STARD13: variants seen among roughly 807,000 people sequenced by gnomAD.
STARD13 encodes StAR related lipid transfer domain containing 13.
In STARD13, 62 loss-of-function variants were observed where a neutral mutation model predicts 106.4. That is an observed-to-expected ratio of 0.58 (90% CI 0.48 to 0.72). The LOEUF is 0.72. Ranked by LOEUF, STARD13 falls within the 30% of genes least tolerant of loss-of-function variation. The pLI is 0.00. For missense variants in STARD13, 1,387 were observed against 1,424.0 expected, an observed-to-expected ratio of 0.97 and a Z score of 0.42; for synonymous variants, 565 against 553.0, an observed-to-expected ratio of 1.02 and a Z score of -0.31.
At chr13:33,481,851 G>C in the STARD13 span, among the ~76,000 whole-genome samples, 3 of 109,002 alleles carry the variant, frequency 2.8e-5, no homozygotes, top group African/African-American at 4.2e-5. Flanking sequence ...TGGTGGTGGC[G>C]GGCGCCTGTA....
chr13:33,111,347 G>C (rs1426026356), intron 10 of STARD13, among the ~76,000 whole-genome samples: 1 of 152,192 alleles, frequency 6.6e-6, no homozygotes, highest in Non-Finnish European at 1.5e-5. Flanking sequence ...TATCACAAAA[G>C]TATGCCACAA....
intron 3 of STARD13, among the ~76,000 whole-genome samples, chr13:33,164,747 A>C (rs1050736963): frequency 1.4e-4 from 21 of 152,234 alleles, no homozygotes; most frequent in African/African-American, 5.1e-4. Context: ...TTTAAGGGGA[A>C]GAAATTATCC....
intron 1 of STARD13, among the ~76,000 whole-genome samples, chr13:33,189,444 AGGGAAAGCAGGAGGAAAGGGAAG>A (rs1245913747): frequency 8.8e-6 from 1 of 113,638 alleles, no homozygotes; most frequent in Non-Finnish European, 1.9e-5. Context: ...CGGAGGAAGG[AGGGAAAGCAGGAGGAAAGGGAAG>A]GGACTCTCTG....
At chr13:33,341,323 T>C (rs1051920538) in intron 1 of STARD13, among the ~76,000 whole-genome samples, 1 of 152,132 alleles carries the variant, frequency 6.6e-6, no homozygotes, top group African/African-American at 2.4e-5. Context: ...CAAAAAATCA[T>C]ATTCTGCGGT....
the STARD13 span, among the ~76,000 whole-genome samples, chr13:33,466,763 A>T: frequency 6.6e-6 from 1 of 152,204 alleles, no homozygotes; most frequent in Non-Finnish European, 1.5e-5. Flanking sequence ...AAATACCATA[A>T]CTTTATGTTA....
rs188190697 is a variant in STARD13 at position 33,241,821 on chromosome 13, C to T, written c.169+43649G>A. Among the ~76,000 whole-genome samples the T allele has an allele frequency of 1.4e-4, 21 of 152,308 alleles. No homozygotes were observed. In the East Asian group the frequency reaches 2.7e-3, roughly 20 times the overall value. ...CCTCCCGAGGTGCCGGGATGGCAGA[C>T]GGAGTCGCGCTCACTCAGTGCTCAA... On this transcript the variant is annotated intron_variant, in intron 1 of 13. Coordinates refer to ENST00000336934, the MANE Select transcript of STARD13 (RefSeq NM_178006.4).
chr13:33,624,991 G>T, the STARD13 span, among the ~76,000 whole-genome samples: 1 of 152,308 alleles, frequency 6.6e-6, no homozygotes, highest in South Asian at 2.1e-4. Context: ...TTTGGCTGGG[G>T]TACCTCGGAA....
At chr13:33,637,099 T>C in the STARD13 span, among the ~76,000 whole-genome samples, 3 of 152,178 alleles carry the variant, frequency 2.0e-5, no homozygotes, top group African/African-American at 7.2e-5. Flanking sequence ...ACACTATAAT[T>C]TCATGTAATC....
At chr13:33,262,663 A>C (rs982345904) in intron 1 of STARD13, among the ~76,000 whole-genome samples, 1,159 of 37,932 alleles carry the variant, frequency 0.031, 20 homozygotes, top group African/African-American at 0.17. Flanking sequence ...CACACACACA[A>C]CACACACACA....
chr13:33,126,140 G>C lies in STARD13; in HGVS notation c.2023C>G (p.Pro675Ala). ...GCTTGCTGAATACTTTGAGGCAGGG[G>C]CTGTCCCGTTCTTTGGACGTGGACT... ...LIVHVQRTGQ[P>A]LPQSIQQALR... The change falls in exon 7 of 14, where the codon CCC becomes GCC. Residue 675 changes from proline to alanine, a missense_variant. Pro to Ala is a conservative substitution (Grantham distance 27). Coordinates refer to ENST00000336934, the MANE Select transcript of STARD13 (RefSeq NM_178006.4). The C allele has an allele frequency of 6.2e-7, 1 of 1,614,154 alleles. No individual in the cohort carries two copies. The highest frequency in any genetic ancestry group is 1.1e-5 in the South Asian group (1 of 91,076).
chr13:33,446,338 G>A, the STARD13 span, among the ~76,000 whole-genome samples: 1 of 151,852 alleles, frequency 6.6e-6, no homozygotes, highest in Non-Finnish European at 1.5e-5. Flanking sequence ...GCCGAGAAAA[G>A]GCCATACTGA....
At chr13:33,280,934 C>T (rs1891744546) in intron 1 of STARD13, 1 of 152,148 alleles carries the variant, frequency 6.6e-6, no homozygotes, top group South Asian at 2.1e-4. Context: ...GAACAAAAAC[C>T]TAACTTCCAC....
the STARD13 span, among the ~76,000 whole-genome samples, chr13:33,381,183 TTAGAC>T: frequency 8.5e-5 from 13 of 152,160 alleles, no homozygotes; most frequent in African/African-American, 3.1e-4. Context: ...ATTTTACAAT[TTAGAC>T]TAATATAAAA....
chr13:33,417,480 G>A, the STARD13 span, among the ~76,000 whole-genome samples: 7 of 152,194 alleles, frequency 4.6e-5, no homozygotes, highest in Non-Finnish European at 1.0e-4. Context: ...AATGTTCATA[G>A]CGGCATTATT....
the STARD13 span, among the ~76,000 whole-genome samples, chr13:33,621,572 C>G: frequency 1.4e-5 from 2 of 147,024 alleles, no homozygotes; most frequent in African/African-American, 5.0e-5. Flanking sequence ...CCCAGCTACT[C>G]GGGAGGCTGA....
rs1472269251 is a variant in STARD13, at chr13:33,262,642, C to CACACA, written c.169+22827_169+22828insTGTGT. ...CCCTCCCACACCACACCCAGAACCC[C>CACACA]CCCCCCCACACACACACACAACACA... is the stretch of plus-strand genomic sequence containing the variant. On this transcript the variant is annotated intron_variant, in intron 1 of 13. Transcript: ENST00000336934. 6.4e-4 allele frequency among the ~76,000 whole-genome samples: 86 copies of CACACA among 134,956 alleles called. 1 individual carries two copies. Among genetic ancestry groups the CACACA allele is most frequent in the African/African-American group, 9.3e-4 (32 of 34,356 alleles). 88.5% of individuals were successfully genotyped at this position (134,956 alleles called of 152,430 possible).
chr13:33,115,917 C>T (rs974225186), intron 8 of STARD13, among the ~76,000 whole-genome samples: 2 of 152,300 alleles, frequency 1.3e-5, no homozygotes, highest in Non-Finnish European at 1.5e-5. Flanking sequence ...CATCACTGAG[C>T]TGCGGGATAC....
At chr13:33,298,589 A>G (rs73468188) in intron 1 of STARD13, among the ~76,000 whole-genome samples, 1,833 of 151,216 alleles carry the variant, frequency 0.012, 33 homozygotes, top group African/African-American at 0.041. Context: ...TCCATATCTT[A>G]AAAAAAAAGG....
the STARD13 span, among the ~76,000 whole-genome samples, chr13:33,671,085 C>A: frequency 6.6e-6 from 1 of 152,172 alleles, no homozygotes. Context: ...CATTTTGCAC[C>A]CTATGTATTT....
Sources: gnomAD v4.1 joint callset for allele counts (sites outside exome capture counted in the v4.1 genomes callset) on GRCh38, gnomAD v4.1.1 for gene constraint, MANE v1.5 for transcripts, NCBI Gene and HGNC (gene_info 2026-07-23, HGNC 2026-07-21) for gene names.